SURF6: variants seen among roughly 807,000 people sequenced by gnomAD.
SURF6 encodes the protein surfeit 6.
In SURF6, 28 loss-of-function variants were observed where a neutral mutation model predicts 37.5. That is an observed-to-expected ratio of 0.75 (90% CI 0.55 to 1.02). SURF6 has a LOEUF of 1.02. Among genes scored for constraint, SURF6 ranks in the 50% least tolerant of loss-of-function variants. SURF6 has a pLI of 0.00. For synonymous variants in SURF6, 248 were observed against 210.9 expected (o/e 1.18, Z -1.52); for missense variants, 560 against 490.5 (o/e 1.14, Z -1.34).
chr9:133,329,961 G>C lies in SURF6; in HGVS notation c.*1908C>G, dbSNP rs1564330279. 6.6e-6 allele frequency: 1 copy of C among 152,122 alleles called. No homozygotes were observed. Among genetic ancestry groups the C allele is most frequent in the South Asian group, 2.1e-4 (1 of 4,824 alleles). The allele number at this position is 152,122 out of a possible 1,614,324, so 9.4% of individuals were successfully genotyped here. A position where few individuals can be genotyped will look rare whatever the true frequency, so the allele number is the denominator to read the frequency against. On this transcript the variant is annotated 3_prime_UTR_variant, in exon 5 of 5. Transcript: ENST00000372022. ...GGAATTACCTGTTCTCTATATCGTGGAACTTCCCTGTAAAACCGTCTAGGG... is the reference window on the plus strand; with the variant it reads ...GGAATTACCTGTTCTCTATATCGTGCAACTTCCCTGTAAAACCGTCTAGGG...
At position 133,334,438 on chromosome 9, in the gene SURF6, G is replaced by A. The variant is rs1349311839; in HGVS notation, c.258C>T (p.Ala86=). ...AASGARRPEA[A]KEEAAWASSS... ...TGGAAGCCCAAGCTGCTTCCTCTTTGGCTGCCTCAGGCCTCCTGGCCCCAG... is the reference window on the plus strand; with the variant it reads ...TGGAAGCCCAAGCTGCTTCCTCTTTAGCTGCCTCAGGCCTCCTGGCCCCAG... The change falls in exon 2 of 5, where the codon GCC becomes GCT. Residue 86 remains alanine, a synonymous_variant. Transcript: ENST00000372022. The A allele has an allele frequency of 5.0e-6, 8 of 1,613,782 alleles. No homozygotes were observed. The highest frequency in any genetic ancestry group is 4.2e-6 in the Non-Finnish European group (5 of 1,179,978).
In SURF6 at chr9:133,328,973, T is replaced by C. The variant is rs187260905; in HGVS notation, c.*2896A>G. 359 of 154,652 alleles carry C rather than the reference T, an allele frequency of 2.3e-3. No homozygotes were observed. Among genetic ancestry groups the C allele is most frequent in the Middle Eastern group, 6.6e-3 (2 of 304 alleles). 9.6% of individuals were successfully genotyped at this position (154,652 alleles called of 1,614,324 possible). A position where few individuals can be genotyped will look rare whatever the true frequency, so the allele number is the denominator to read the frequency against. The stretch of plus-strand genomic sequence containing the variant: ...ACTACTACCAATGCTCGGAGACCGG[T>C]AGTGGCCCCGAATGTCTGGCTGCAT... On this transcript the variant is annotated 3_prime_UTR_variant, in exon 5 of 5. Transcript: ENST00000372022.
At position 133,336,144 on chromosome 9, in the gene SURF6, G is replaced by C. The variant is rs2129934615; in HGVS notation, c.-12C>G. 41 of 1,608,452 alleles carry C rather than the reference G, an allele frequency of 2.5e-5. No individual in the cohort carries two copies. Among genetic ancestry groups the C allele is most frequent in the Non-Finnish European group, 3.3e-5 (39 of 1,178,268 alleles). On this transcript the variant is annotated 5_prime_UTR_variant, in exon 1 of 5. Transcript: ENST00000372022. ...AGTAGAGAGGCCATGGCGGAGACCCGGGCCGTTCACGACTCACACCTTCCC... is the reference window on the plus strand; with the variant it reads ...AGTAGAGAGGCCATGGCGGAGACCCCGGCCGTTCACGACTCACACCTTCCC...
At position 133,334,436 on chromosome 9, in the gene SURF6, T is replaced by C. The variant is rs2129927256; in HGVS notation, c.260A>G (p.Lys87Arg). 1 of 1,614,018 alleles carries C rather than the reference T, an allele frequency of 6.2e-7. No individual in the cohort carries two copies. Among genetic ancestry groups the C allele is most frequent in the South Asian group, 1.1e-5 (1 of 91,088 alleles). Reference protein sequence around the residue: ...ASGARRPEAAKEEAAWASSSA... With the variant: ...ASGARRPEAAREEAAWASSSA... ...GCTGGAAGCCCAAGCTGCTTCCTCTTTGGCTGCCTCAGGCCTCCTGGCCCC... is the reference window on the plus strand; with the variant it reads ...GCTGGAAGCCCAAGCTGCTTCCTCTCTGGCTGCCTCAGGCCTCCTGGCCCC... The change falls in exon 2 of 5, where the codon AAA becomes AGA. Residue 87 changes from lysine (K) to arginine (R), a missense_variant. Physicochemically the swap from Lys to Arg is conservative, Grantham distance 26 (BLOSUM62 2). Transcript: ENST00000372022.
chr9:133,332,033 C>T lies in SURF6; in HGVS notation c.922G>A (p.Glu308Lys). The change falls in exon 5 of 5, where the codon GAG becomes AAG. Residue 308 changes from glutamate (E) to lysine (K), a missense_variant. Coordinates refer to ENST00000372022, the MANE Select transcript of SURF6 (RefSeq NM_006753.6). Reference protein sequence around the residue: ...KRRAQRQRRWEKRTAGVVEKM... With the variant: ...KRRAQRQRRWKKRTAGVVEKM... ...TCCACCACGCCGGCCGTGCGCTTCTCCCACCGGCGCTGCCGCTGCGCCCTG... is the reference window on the plus strand; with the variant it reads ...TCCACCACGCCGGCCGTGCGCTTCTTCCACCGGCGCTGCCGCTGCGCCCTG... 1 of 1,602,480 alleles carries T rather than the reference C, an allele frequency of 6.2e-7. No homozygotes were observed. The highest frequency in any genetic ancestry group is 8.5e-7 in the Non-Finnish European group (1 of 1,179,346).
chr9:133,329,135 G>A lies in SURF6; in HGVS notation c.*2734C>T, dbSNP rs921480466. 1.3e-5 allele frequency: 2 copies of A among 153,182 alleles called. No homozygotes were observed. Among genetic ancestry groups the A allele is most frequent in the Non-Finnish European group, 2.9e-5 (2 of 68,674 alleles). The allele number at this position is 153,182 out of a possible 1,614,324, so 9.5% of individuals were successfully genotyped here. ...GCCTGGCAGCCGAGGCAGAGAGAGA[G>A]AGGAGACAGAGAGAAAGACAGCTTA... On this transcript the variant is annotated 3_prime_UTR_variant, in exon 5 of 5. Transcript: ENST00000372022.
Position 133,332,578 on chromosome 9 carries a change from C to A in SURF6, c.576G>T (p.Pro192=), listed in dbSNP as rs2129919487. 6.2e-7 allele frequency: 1 copy of A among 1,609,240 alleles called. No homozygotes were observed. The highest frequency in any genetic ancestry group is 1.7e-5 in the Admixed American group (1 of 60,012). Residue 192 remains proline (P), a synonymous_variant, in exon 4 of 5, where the codon CCG becomes CCT. Coordinates refer to ENST00000372022, the MANE Select transcript of SURF6 (RefSeq NM_006753.6). ...EATPEGACTE[P]REPPGLIFNK... ...TGAAGATCAGCCCGGGCGGCTCCCG[C>A]GGCTCCGTGCAGGCCCCCTCTGGGG...
chr9:133,330,422 G>C lies in SURF6; in HGVS notation c.*1447C>G, dbSNP rs1564330588. On this transcript the variant is annotated 3_prime_UTR_variant, in exon 5 of 5. Coordinates refer to ENST00000372022, the MANE Select transcript of SURF6 (RefSeq NM_006753.6). ...CAGCTAATTTTTTATTTTTAATAGA[G>C]ATGGGGTTTTATCATGTTGTCCAGG... The C allele has an allele frequency of 6.6e-6, 1 of 152,116 alleles. No homozygotes were observed. The highest frequency in any genetic ancestry group is 6.5e-5 in the Admixed American group (1 of 15,268). 9.4% of individuals were successfully genotyped at this position (152,116 alleles called of 1,614,324 possible).
intron 1 of SURF6, 78 bp from the exon 2 acceptor site, chr9:133,334,679 T>C: frequency 6.5e-7 from 1 of 1,533,170 alleles, no homozygotes; most frequent in Admixed American, 1.8e-5. Flanking sequence ...ACCAAGGCTT[T>C]GATCCCAGGA....
chr9:133,332,483 T>C, intron 4 of SURF6, 65 bp downstream of exon 4: 1 of 1,569,228 alleles, frequency 6.4e-7, no homozygotes, highest in Non-Finnish European at 8.6e-7. Context: ...ATCATGAAGC[T>C]AACAAGGGGC....
rs2129918263 is a variant in SURF6, at chr9:133,332,401, C to G, written c.607-53G>C. The G allele has an allele frequency of 1.6e-5, 25 of 1,538,028 alleles. No homozygotes were observed. The African/African-American group carries it at 3.4e-4, about 21-fold the overall frequency. ...TGCCAGCCCTGCACTAGGCCCCAGCCTTGGCCAGTACCCTAAGGGACCTGC... is the reference window on the plus strand; with the variant it reads ...TGCCAGCCCTGCACTAGGCCCCAGCGTTGGCCAGTACCCTAAGGGACCTGC... On this transcript the variant is annotated intron_variant, in intron 4 of 4. Transcript: ENST00000372022.
chr9:133,335,527 G>C (rs1328613036), intron 1 of SURF6, among the ~76,000 whole-genome samples: 2 of 152,014 alleles, frequency 1.3e-5, no homozygotes, highest in Admixed American at 1.3e-4. Context: ...CGTCCCCGCT[G>C]TCGGCTTCCC....
rs2129912221 is a variant in SURF6, at chr9:133,331,885, C to T, written c.1070G>A (p.Arg357His). 3.0e-5 allele frequency: 45 copies of T among 1,517,718 alleles called. 1 individual carries two copies. The highest frequency in any genetic ancestry group is 3.7e-5 in the Non-Finnish European group (42 of 1,144,928). 94.0% of individuals were successfully genotyped at this position (1,517,718 alleles called of 1,614,324 possible). A position where few individuals can be genotyped will look rare whatever the true frequency, so the allele number is the denominator to read the frequency against. ...KGRILPQDLE[R>H]AGLV is the part of the protein sequence containing the mutation. ...GGGAAAGACTCAGACCAGGCCTGCG[C>T]GCTCCAGGTCCTGCGGCAGGATGCG... Residue 357 changes from arginine to histidine, a missense_variant, in exon 5 of 5, where the codon CGC becomes CAC. By Grantham distance (29) the Arg-to-His change is conservative (BLOSUM62 0). Coordinates refer to ENST00000372022, the MANE Select transcript of SURF6 (RefSeq NM_006753.6).
Position 133,329,038 on chromosome 9 carries a change from G to T in SURF6, c.*2831C>A. On this transcript the variant is annotated 3_prime_UTR_variant, in exon 5 of 5. Transcript: ENST00000372022. ...TACAAAGCAAAAGGGGCAGGGTAAA[G>T]AGTGTGAGTCATCTCCAATGATAGG... 6.5e-6 allele frequency: 1 copy of T among 154,054 alleles called. No individual in the cohort carries two copies. Among genetic ancestry groups the T allele is most frequent in the South Asian group, 1.8e-4 (1 of 5,546 alleles). 9.5% of individuals were successfully genotyped at this position (154,054 alleles called of 1,614,324 possible). A position where few individuals can be genotyped will look rare whatever the true frequency, so the allele number is the denominator to read the frequency against.
Position 133,331,628 on chromosome 9 carries a change from C to T in SURF6, c.*241G>A. On this transcript the variant is annotated 3_prime_UTR_variant, in exon 5 of 5. Transcript: ENST00000372022. ...GAAAGCAGACCAGGCCCCAGTCTCC[C>T]TCACCCTTTCCCTGGGTCTGAAGGT... 1 of 483,594 alleles carries T rather than the reference C, an allele frequency of 2.1e-6. No homozygotes were observed. Among genetic ancestry groups the T allele is most frequent in the Non-Finnish European group, 3.3e-6 (1 of 300,856 alleles). 30.0% of individuals were successfully genotyped at this position (483,594 alleles called of 1,614,324 possible).
chr9:133,335,088 T>C (rs1052336966), intron 1 of SURF6, among the ~76,000 whole-genome samples: 2 of 151,884 alleles, frequency 1.3e-5, no homozygotes, highest in Middle Eastern at 3.2e-3. Context: ...GCCTCCGGAG[T>C]AGCTGGGACT....
chr9:133,333,138 C>T lies in SURF6; in HGVS notation c.394-378G>A, dbSNP rs2129922622. Among the ~76,000 whole-genome samples, 11 of 152,280 alleles carry T rather than the reference C, an allele frequency of 7.2e-5. No homozygotes were observed. The East Asian group carries it at 1.4e-3, about 19-fold the overall frequency. On this transcript the variant is annotated intron_variant, in intron 3 of 4. Transcript: ENST00000372022. ...CCCATTCTGTTCACGAGGTACCCAA[C>T]GAAGCCCTCCCCAATGGCCTTTCCC...
At chr9:133,336,002 G>T in intron 1 of SURF6, 37 bp downstream of exon 1, 1 of 1,576,926 alleles carries the variant, frequency 6.3e-7, no homozygotes. Flanking sequence ...CCCCCGTTTC[G>T]CAGGCCCCTT....
Position 133,336,127 on chromosome 9 carries a change from G to T in SURF6, c.6C>A (p.Ala2=). The change falls in exon 1 of 5, where the codon GCC becomes GCA. Residue 2 remains alanine, a synonymous_variant. Transcript: ENST00000372022. The part of the protein sequence containing the change: M[A]SLLAKDAYLQ... ...GGTAGGCGTCCTTGGCGAGTAGAGA[G>T]GCCATGGCGGAGACCCGGGCCGTTC... 6.2e-7 allele frequency: 1 copy of T among 1,611,664 alleles called. No homozygotes were observed.
Sources: allele counts gnomAD v4.1 joint callset (sites outside exome capture counted in the v4.1 genomes callset), GRCh38; gene constraint gnomAD v4.1.1; transcripts MANE v1.5; gene names NCBI Gene and HGNC (gene_info 2026-07-23, HGNC 2026-07-21).